PPME1: variants seen among roughly 807,000 people sequenced by gnomAD.
PPME1 encodes protein phosphatase methylesterase 1.
In PPME1, 17 loss-of-function variants were observed where a neutral mutation model predicts 56.9. The observed-to-expected ratio is 0.30, with a 90% confidence interval of 0.20 to 0.45. The LOEUF is 0.45. PPME1 is among the 20% of genes least tolerant of loss of function. The pLI is 1.00. For missense variants in PPME1, 357 were observed against 483.2 expected, an observed-to-expected ratio of 0.74 and a Z score of 2.45; for synonymous variants, 122 against 156.2, an observed-to-expected ratio of 0.78 and a Z score of 1.63.
At chr11:74,237,467 G>C (rs1460376727) in intron 8 of PPME1, among the ~76,000 whole-genome samples, 2 of 151,746 alleles carry the variant, frequency 1.3e-5, no homozygotes, top group African/African-American at 4.8e-5. Flanking sequence ...AGTAGAGGTG[G>C]GGTTTCACTG....
intron 1 of PPME1, among the ~76,000 whole-genome samples, chr11:74,196,984 G>T (rs1345462356): frequency 2.6e-5 from 4 of 152,138 alleles, no homozygotes; most frequent in Non-Finnish European, 4.4e-5. Flanking sequence ...ATGCAGCCCG[G>T]CAAGTCCCAG....
chr11:74,171,446 C>G lies in PPME1; in HGVS notation c.25C>G (p.His9Asp), dbSNP rs1256244844. MSALEKSM[H>D]LGRLPSRPPL... is the part of the protein sequence containing the mutation. The stretch of plus-strand genomic sequence containing the variant: ...GATGTCGGCCCTCGAAAAGAGCATG[C>G]ACCTCGGCCGCCTTCCCTCTCGCCC... Residue 9 changes from histidine to aspartate, a missense_variant, in exon 1 of 14, where the codon CAC becomes GAC. His to Asp is a moderately conservative substitution (Grantham distance 81). Around this residue, in one of 2 missense-constraint regions of PPME1, gnomAD observed 175 missense variants for 189.4 expected, o/e 0.92. Transcript: ENST00000328257. 1 of 1,612,764 alleles carries G rather than the reference C, an allele frequency of 6.2e-7. No homozygotes were observed. The highest frequency in any genetic ancestry group is 8.5e-7 in the Non-Finnish European group (1 of 1,179,590).
At position 74,254,200 on chromosome 11, in the gene PPME1, G is replaced by A. The variant is rs1360828662; in HGVS notation, c.*690G>A. ...GGCACCTGCCCTGGGCTGAGGCCAG[G>A]CTGCTCCAGGGGCCTCCTGCGCCCT... is the stretch of plus-strand genomic sequence containing the variant. On this transcript the variant is annotated 3_prime_UTR_variant, in exon 14 of 14. Transcript: ENST00000328257. 6.5e-6 allele frequency: 1 copy of A among 153,138 alleles called. No homozygotes were observed. The highest frequency in any genetic ancestry group is 1.5e-5 in the Non-Finnish European group (1 of 68,440). The allele number at this position is 153,138 out of a possible 1,614,324, so 9.5% of individuals were successfully genotyped here.
At chr11:74,247,144 A>AC (rs779561623) in intron 11 of PPME1, 21 bp downstream of exon 11, 43 of 1,594,914 alleles carry the variant, frequency 2.7e-5, no homozygotes, top group Non-Finnish European at 3.5e-5. Context: ...AAGAAATTAT[A>AC]CCCCTGGACC....
At chr11:74,189,564 C>T (rs759307604) in intron 1 of PPME1, among the ~76,000 whole-genome samples, 4 of 152,212 alleles carry the variant, frequency 2.6e-5, no homozygotes, top group Non-Finnish European at 4.4e-5. Context: ...GCCGGGATTG[C>T]AGGCATGAGC....
intron 5 of PPME1, among the ~76,000 whole-genome samples, chr11:74,228,728 T>C (rs987277022): frequency 3.9e-5 from 6 of 152,198 alleles, no homozygotes; most frequent in African/African-American, 1.4e-4. Flanking sequence ...AATTGATTAA[T>C]ACAGAACCTT....
chr11:74,240,398 T>G (rs1468026788), intron 9 of PPME1, among the ~76,000 whole-genome samples: 2 of 152,210 alleles, frequency 1.3e-5, no homozygotes, highest in African/African-American at 2.4e-5. Flanking sequence ...AATAGTGTTT[T>G]ATGAGTACTT....
intron 3 of PPME1, among the ~76,000 whole-genome samples, chr11:74,215,754 A>T (rs1284019130): frequency 2.0e-5 from 3 of 152,216 alleles, no homozygotes; most frequent in Non-Finnish European, 4.4e-5. Flanking sequence ...CCTGTTGCCT[A>T]CTAGAAACAC....
chr11:74,214,304 C>G (rs1858562080), intron 3 of PPME1, among the ~76,000 whole-genome samples: 1 of 151,944 alleles, frequency 6.6e-6, no homozygotes, highest in Admixed American at 6.6e-5. Flanking sequence ...AAAAAGAATA[C>G]AAAAACAATG....
At chr11:74,183,659 G>C (rs1247230292) in intron 1 of PPME1, among the ~76,000 whole-genome samples, 1 of 152,000 alleles carries the variant, frequency 6.6e-6, no homozygotes, top group Non-Finnish European at 1.5e-5. Context: ...TGTCATACTT[G>C]ATAGTTCTTT....
chr11:74,195,274 T>C (rs1373582697), intron 1 of PPME1, among the ~76,000 whole-genome samples: 2 of 152,226 alleles, frequency 1.3e-5, no homozygotes, highest in Non-Finnish European at 2.9e-5. Context: ...AATTGCATGA[T>C]AATCAGTGCC....
At chr11:74,183,626 GAATT>G (rs1210168476) in intron 1 of PPME1, among the ~76,000 whole-genome samples, 2 of 151,948 alleles carry the variant, frequency 1.3e-5, no homozygotes, top group African/African-American at 4.8e-5. Flanking sequence ...AATGTAAAAT[GAATT>G]CTAAGTGATA....
At chr11:74,190,048 CAG>C (rs1197736475) in intron 1 of PPME1, among the ~76,000 whole-genome samples, 1 of 152,158 alleles carries the variant, frequency 6.6e-6, no homozygotes, top group Non-Finnish European at 1.5e-5. Flanking sequence ...CAAGTCAAAA[CAG>C]AGCAAGAAAT....
intron 10 of PPME1, among the ~76,000 whole-genome samples, chr11:74,246,665 T>C (rs1859512467): frequency 6.6e-6 from 1 of 152,162 alleles, no homozygotes; most frequent in Non-Finnish European, 1.5e-5. Context: ...ACATCCAAAG[T>C]AGAGTACCTT....
At chr11:74,206,632 A>G (rs1174413440) in intron 3 of PPME1, among the ~76,000 whole-genome samples, 5 of 152,190 alleles carry the variant, frequency 3.3e-5, no homozygotes, top group Admixed American at 6.5e-5. Flanking sequence ...CAGTGGCACA[A>G]TCATAGCTCA....
In PPME1 at chr11:74,176,433, G is replaced by GT. The variant is rs771531064; in HGVS notation, c.101+4922dup. Reference sequence around the variant, plus strand: ...AAAATAATCAAATCCCAGTATTTCTGTTTTTTTTTTTATTTTTTCATTAGA... The same window carrying GT: ...AAAATAATCAAATCCCAGTATTTCTGTTTTTTTTTTTTATTTTTTCATTAGA... On this transcript the variant is annotated intron_variant, in intron 1 of 13. Coordinates refer to ENST00000328257, the MANE Select transcript of PPME1 (RefSeq NM_016147.3). Among the ~76,000 whole-genome samples, 697 of 145,246 alleles carry GT rather than the reference G, an allele frequency of 4.8e-3. 1 individual carries two copies. Among genetic ancestry groups the GT allele is most frequent in the African/African-American group, 8.8e-3 (352 of 39,848 alleles).
chr11:74,239,859 C>G (rs766067590), intron 9 of PPME1, among the ~76,000 whole-genome samples: 1 of 151,968 alleles, frequency 6.6e-6, no homozygotes, highest in Non-Finnish European at 1.5e-5. Context: ...GGATTACAGG[C>G]GTGAGCCACC....
intron 1 of PPME1, among the ~76,000 whole-genome samples, chr11:74,197,556 C>G (rs1414139890): frequency 6.6e-6 from 1 of 152,106 alleles, no homozygotes; most frequent in African/African-American, 2.4e-5. Context: ...ACTATAATCC[C>G]CTAACATGAA....
intron 1 of PPME1, among the ~76,000 whole-genome samples, chr11:74,181,030 CT>C (rs1005872237): frequency 0.022 from 2,103 of 96,154 alleles, 14 homozygotes; most frequent in African/African-American, 0.069. Context: ...ATTTTCTTCA[CT>C]TTTTTTTTTT....
Sources: allele counts gnomAD v4.1 joint callset (sites outside exome capture counted in the v4.1 genomes callset), GRCh38; gene constraint gnomAD v4.1.1; regional missense constraint gnomAD v4.1.1; transcripts MANE v1.5; gene names NCBI Gene and HGNC (gene_info 2026-07-23, HGNC 2026-07-21).